Variants in PDE1C observed in about 807,000 individuals in gnomAD.
PDE1C encodes dual specificity calcium/calmodulin-dependent 3',5'-cyclic nucleotide phosphodiesterase 1C.
PDE1C carries 62 observed loss-of-function variants against 93.1 expected under a neutral mutation model. That is an observed-to-expected ratio of 0.67 (90% confidence interval 0.54 to 0.82). The LOEUF is 0.82. Among genes scored for constraint, PDE1C ranks in the 40% least tolerant of loss-of-function variants. The probability of loss-of-function intolerance (pLI) is 0.00; values close to 1 mark genes in which losing one functional copy is unlikely to be tolerated. For synonymous variants in PDE1C, 325 were observed against 310.1 expected, an observed-to-expected ratio of 1.05 and a Z score of -0.50; for missense variants, 742 against 884.6, an observed-to-expected ratio of 0.84 and a Z score of 2.04.
At chr7:31,990,665 A>C (rs1477495725) in intron 2 of PDE1C, among the ~76,000 whole-genome samples, 1 of 152,204 alleles carries the variant, frequency 6.6e-6, no homozygotes, top group Non-Finnish European at 1.5e-5. Flanking sequence ...AACAGCAGAG[A>C]GATACTTTTC....
rs945902242 is a variant in PDE1C at position 31,834,148 on chromosome 7, G to A, written c.1203+3032C>T. ...CACAGAAGTCAAGAATTGAGGTTTG[G>A]GAACCTCCGCCTAGATTTCAGAGGA... On this transcript the variant is annotated intron_variant, in intron 11 of 17. Coordinates refer to ENST00000396191, the MANE Select transcript of PDE1C (RefSeq NM_001191057.4). 2.0e-5 allele frequency among the ~76,000 whole-genome samples: 3 copies of A among 152,348 alleles called. No homozygotes were observed. In the East Asian group the frequency reaches 5.8e-4, roughly 29 times the overall value.
At position 32,275,896 on chromosome 7, in the gene PDE1C, T is replaced by C. The variant is rs541991203; in HGVS notation, c.85+22755A>G. Among the ~76,000 whole-genome samples the C allele has an allele frequency of 1.3e-4, 20 of 152,332 alleles. No homozygotes were observed. The South Asian group carries it at 4.1e-3, about 32-fold the overall frequency. Reference sequence around the variant, plus strand: ...TTGCTGAAAACATCCAGAAAATTCATTAACAGGATGACATAATACAGAAGC... The same window carrying C: ...TTGCTGAAAACATCCAGAAAATTCACTAACAGGATGACATAATACAGAAGC... On this transcript the variant is annotated intron_variant, in intron 1 of 18. Coordinates refer to the PDE1C transcript ENST00000396193.
the PDE1C span, among the ~76,000 whole-genome samples, chr7:31,623,438 G>A: frequency 6.6e-6 from 1 of 151,646 alleles, no homozygotes; most frequent in East Asian, 1.9e-4. Context: ...TGGGATGCAA[G>A]GCTGGTTCAA....
chr7:32,029,328 C>A (rs565773658), intron 2 of PDE1C, among the ~76,000 whole-genome samples: 1 of 152,276 alleles, frequency 6.6e-6, no homozygotes, highest in Non-Finnish European at 1.5e-5. Flanking sequence ...TATGATCCAG[C>A]AATCCTACTT....
chr7:32,420,537 G>A (rs1230234356), intron 1 of PDE1C, among the ~76,000 whole-genome samples: 4 of 144,942 alleles, frequency 2.8e-5, no homozygotes, highest in African/African-American at 5.2e-5. Flanking sequence ...CTTGGCAACA[G>A]AGCAAGGCTC....
At chr7:32,083,003 G>A (rs1271191399) in intron 3 of PDE1C, among the ~76,000 whole-genome samples, 1 of 151,064 alleles carries the variant, frequency 6.6e-6, no homozygotes, top group African/African-American at 2.4e-5. Context: ...GCTGGACGGA[G>A]AATGACTTTG....
the PDE1C span, among the ~76,000 whole-genome samples, chr7:31,699,623 G>A: frequency 6.6e-6 from 1 of 151,690 alleles, no homozygotes; most frequent in African/African-American, 2.4e-5. Flanking sequence ...ACTTTTTTGT[G>A]CTTTTCAGAT....
At chr7:32,098,229 C>CAAAAAAAAAAAAAAAAAAAAAA (rs60146342) in intron 3 of PDE1C, among the ~76,000 whole-genome samples, 3 of 46,258 alleles carry the variant, frequency 6.5e-5, no homozygotes, top group Non-Finnish European at 8.2e-5. Context: ...GACTCCGTCT[C>CAAAAAAAAAAAAAAAAAAAAAA]AAAAAAAAAA....
At chr7:31,753,584 G>GGTTA in intron 17 of PDE1C, 31 bp from the exon 18 acceptor site, 1 of 1,596,356 alleles carries the variant, frequency 6.3e-7, no homozygotes, top group Non-Finnish European at 8.5e-7. Flanking sequence ...GACAGACAAC[G>GGTTA]GTTAGCCTCA....
chr7:31,623,491 C>A, the PDE1C span, among the ~76,000 whole-genome samples: 2 of 150,936 alleles, frequency 1.3e-5, no homozygotes, highest in Non-Finnish European at 1.5e-5. Flanking sequence ...TAAACAGAAC[C>A]AAAGACAAAA....
the PDE1C span, chr7:31,697,201 C>T: frequency 6.6e-6 from 10 of 1,516,000 alleles, no homozygotes; most frequent in African/African-American, 1.4e-5. Context: ...CAGGGCCTGG[C>T]CGTTGTCCTG....
At chr7:32,107,723 T>C (rs1046333934) in intron 3 of PDE1C, among the ~76,000 whole-genome samples, 17 of 152,236 alleles carry the variant, frequency 1.1e-4, no homozygotes, top group Admixed American at 9.2e-4. Flanking sequence ...AGGAAGAATA[T>C]TAAAGAAGAA....
rs1272920159 is a variant in PDE1C at position 31,857,817 on chromosome 7, T to C, written c.751-7076A>G. ...ATCAGTTAAAAGAGATAATTCTGTT[T>C]TTAAAAAGACTTTTAAAGGAAGTTT... is the stretch of plus-strand genomic sequence containing the variant. On this transcript the variant is annotated intron_variant, in intron 7 of 17. Transcript: ENST00000396191. 2.0e-5 allele frequency among the ~76,000 whole-genome samples: 3 copies of C among 152,360 alleles called. No homozygotes were observed. The East Asian group carries it at 5.8e-4, about 29-fold the overall frequency.
intron 2 of PDE1C, among the ~76,000 whole-genome samples, chr7:31,989,441 C>T (rs1783883351): frequency 6.6e-6 from 1 of 152,208 alleles, no homozygotes; most frequent in Non-Finnish European, 1.5e-5. Context: ...AGGTTTTATA[C>T]ATTACATACA....
intron 1 of PDE1C, among the ~76,000 whole-genome samples, chr7:32,373,672 TC>T (rs1349485995): frequency 6.6e-6 from 1 of 152,192 alleles, no homozygotes; most frequent in Non-Finnish European, 1.5e-5. Flanking sequence ...GCCATAAAAT[TC>T]TTTGACATTC....
chr7:32,160,747 T>G (rs540444169), intron 3 of PDE1C, among the ~76,000 whole-genome samples: 137 of 151,924 alleles, frequency 9.0e-4, no homozygotes, highest in African/African-American at 3.2e-3. Context: ...GAGGCAGAGG[T>G]TACGGTGAGC....
At chr7:31,957,312 C>G (rs1808279480) in intron 2 of PDE1C, among the ~76,000 whole-genome samples, 1 of 151,966 alleles carries the variant, frequency 6.6e-6, no homozygotes. Context: ...TTGTAGCTAT[C>G]AGGCACAAAT....
chr7:31,632,453 TAAATA>T, the PDE1C span, among the ~76,000 whole-genome samples: 1 of 151,976 alleles, frequency 6.6e-6, no homozygotes, highest in African/African-American at 2.4e-5. Context: ...TCTCAAAAAA[TAAATA>T]AATAAAAATA....
At chr7:31,677,566 G>T in the PDE1C span, among the ~76,000 whole-genome samples, 1 of 151,794 alleles carries the variant, frequency 6.6e-6, no homozygotes, top group Admixed American at 6.6e-5. Flanking sequence ...TTCTCCCCAG[G>T]TGCAGAAGTA....
Sources: allele counts gnomAD v4.1 joint callset (sites outside exome capture counted in the v4.1 genomes callset), GRCh38; gene constraint gnomAD v4.1.1; transcripts MANE v1.5; gene names NCBI Gene and HGNC (gene_info 2026-07-23, HGNC 2026-07-21).